The following CLASP1 variants were observed in gnomAD, a reference collection of about 807,000 sequenced individuals.
The protein encoded by CLASP1 is cytoplasmic linker associated protein 1, also known as CLIP-associating protein 1.
A neutral mutation model predicts 192.3 loss-of-function variants in CLASP1; 38 were observed. The ratio of observed to expected loss-of-function variants is 0.20; its 90% CI spans 0.15 to 0.26. The LOEUF (loss-of-function observed/expected upper bound fraction) is 0.26. CLASP1 is among the 10% of genes least tolerant of loss of function. CLASP1 has a pLI of 1.00. For synonymous variants in CLASP1, 691 were observed against 712.8 expected (o/e 0.97, Z 0.49); for missense variants, 1,433 against 1,932.5 (o/e 0.74, Z 4.85).
chr2:121,617,269 C>G (rs1482524015), intron 1 of CLASP1, among the ~76,000 whole-genome samples: 1 of 152,190 alleles, frequency 6.6e-6, no homozygotes, highest in Non-Finnish European at 1.5e-5. Context: ...TCCTTTCTGC[C>G]TCCTCAGACC....
intron 2 of CLASP1, among the ~76,000 whole-genome samples, chr2:121,562,550 T>C (rs1435904698): frequency 6.6e-6 from 1 of 152,210 alleles, no homozygotes; most frequent in Non-Finnish European, 1.5e-5. Context: ...ACTCCCTCCA[T>C]AAAATCAACT....
chr2:121,584,933 A>C (rs2061559086), intron 2 of CLASP1, among the ~76,000 whole-genome samples: 2 of 152,218 alleles, frequency 1.3e-5, no homozygotes, highest in East Asian at 1.9e-4. Flanking sequence ...AAACAAAAGA[A>C]GGCTATCACA....
chr2:121,437,070 C>A (rs1281604844), intron 19 of CLASP1, among the ~76,000 whole-genome samples: 1 of 152,118 alleles, frequency 6.6e-6, no homozygotes, highest in Non-Finnish European at 1.5e-5. Flanking sequence ...TCAAGCGATC[C>A]CCCTGCCCCA....
chr2:121,556,736 C>T (rs2058603083), intron 2 of CLASP1, among the ~76,000 whole-genome samples: 1 of 152,186 alleles, frequency 6.6e-6, no homozygotes, highest in Non-Finnish European at 1.5e-5. Flanking sequence ...ATCCCACTGA[C>T]AGGCCTTATT....
intron 5 of CLASP1, among the ~76,000 whole-genome samples, chr2:121,526,684 A>G (rs2094582976): frequency 6.6e-6 from 1 of 152,208 alleles, no homozygotes; most frequent in South Asian, 2.1e-4. Flanking sequence ...TTTTGTTTTT[A>G]AAAATAACAT....
intron 19 of CLASP1, among the ~76,000 whole-genome samples, chr2:121,431,542 AG>A (rs1240457224): frequency 1.3e-5 from 2 of 152,244 alleles, no homozygotes; most frequent in East Asian, 1.9e-4. Context: ...CAAATCACAA[AG>A]GCAAAGTGAA....
chr2:121,614,552 A>G (rs1401629845), intron 1 of CLASP1, among the ~76,000 whole-genome samples: 1 of 152,186 alleles, frequency 6.6e-6, no homozygotes, highest in African/African-American at 2.4e-5. Flanking sequence ...GGATTCTACC[A>G]ATCAATAGGA....
chr2:121,534,569 G>A (rs1472055320), intron 2 of CLASP1, among the ~76,000 whole-genome samples: 3 of 151,946 alleles, frequency 2.0e-5, no homozygotes, highest in South Asian at 2.1e-4. Context: ...ACAGAGTCTC[G>A]CTCTGTTGCC....
chr2:121,405,213 G>A (rs2076734190), intron 25 of CLASP1, among the ~76,000 whole-genome samples: 1 of 152,158 alleles, frequency 6.6e-6, no homozygotes, highest in African/African-American at 2.4e-5. Flanking sequence ...GGAGGCTGAG[G>A]CAGGAGAATT....
At chr2:121,389,088 G>C (rs536056120) in intron 30 of CLASP1, among the ~76,000 whole-genome samples, 1 of 151,884 alleles carries the variant, frequency 6.6e-6, no homozygotes, top group Non-Finnish European at 1.5e-5. Context: ...AAACCCAAAG[G>C]TATTTAACCA....
intron 2 of CLASP1, among the ~76,000 whole-genome samples, chr2:121,548,280 T>C (rs13419088): frequency 0.25 from 37,951 of 152,026 alleles, 7,519 homozygotes; most frequent in African/African-American, 0.55. Flanking sequence ...CAATGACAAG[T>C]ATTAACAGCA....
intron 33 of CLASP1, among the ~76,000 whole-genome samples, chr2:121,380,014 A>G (rs1192504915): frequency 2.0e-5 from 3 of 152,214 alleles, no homozygotes; most frequent in Non-Finnish European, 4.4e-5. Flanking sequence ...TGGGGTTTGA[A>G]GTATCTCCTT....
intron 2 of CLASP1, among the ~76,000 whole-genome samples, chr2:121,537,972 T>C (rs1056857283): frequency 6.6e-6 from 1 of 152,206 alleles, no homozygotes; most frequent in African/African-American, 2.4e-5. Flanking sequence ...AAAGGATATA[T>C]TTTTTTCAAA....
chr2:121,498,646 T>C (rs1372180102), intron 8 of CLASP1, among the ~76,000 whole-genome samples: 1 of 152,152 alleles, frequency 6.6e-6, no homozygotes, highest in African/African-American at 2.4e-5. Context: ...GGAGAAAATA[T>C]TTGCAAATAA....
intron 8 of CLASP1, among the ~76,000 whole-genome samples, chr2:121,485,913 A>G (rs2092943383): frequency 6.6e-6 from 1 of 152,208 alleles, no homozygotes; most frequent in Admixed American, 6.5e-5. Flanking sequence ...GCTGATCATA[A>G]GCCAGCATAA....
intron 2 of CLASP1, among the ~76,000 whole-genome samples, chr2:121,596,177 T>C (rs559401651): frequency 6.6e-6 from 1 of 152,366 alleles, no homozygotes; most frequent in East Asian, 1.9e-4. Flanking sequence ...ATATAAATTT[T>C]CTTGACATAA....
chr2:121,340,354 T>C (rs976675798), exon 40 of CLASP1: 4 of 152,914 alleles, frequency 2.6e-5, no homozygotes, highest in African/African-American at 9.7e-5. Flanking sequence ...CCATTTTTAG[T>C]AGGTCTCAGA....
intron 2 of CLASP1, among the ~76,000 whole-genome samples, chr2:121,538,388 G>A (rs1234200665): frequency 6.6e-6 from 1 of 151,562 alleles, no homozygotes; most frequent in Non-Finnish European, 1.5e-5. Flanking sequence ...CTCCAGCCTG[G>A]GTGATAAGAG....
At chr2:121,625,162 T>C (rs1011748965) in intron 1 of CLASP1, among the ~76,000 whole-genome samples, 1 of 152,180 alleles carries the variant, frequency 6.6e-6, no homozygotes, top group Non-Finnish European at 1.5e-5. Flanking sequence ...TAAATGTCTG[T>C]CCCTTAATGA....
Sources: allele counts gnomAD v4.1 joint callset (sites outside exome capture counted in the v4.1 genomes callset), GRCh38; gene constraint gnomAD v4.1.1; transcripts MANE v1.5; gene names NCBI Gene and HGNC (gene_info 2026-07-23, HGNC 2026-07-21).